The following NCAM2 variants were observed in gnomAD, a reference collection of about 807,000 sequenced individuals.
NCAM2 encodes the protein N-CAM-2.
Under a neutral mutation model 98.1 loss-of-function variants are expected in NCAM2, and 30 were observed. The ratio of observed to expected loss-of-function variants is 0.31; its 90% confidence interval spans 0.23 to 0.41. NCAM2 has a LOEUF of 0.41. NCAM2 is among the 10% of genes least tolerant of loss of function. The pLI, the probability that NCAM2 is intolerant of heterozygous loss-of-function variation, is 1.00. For synonymous variants in NCAM2, 368 were observed against 342.4 expected (o/e 1.07, Z -0.83); for missense variants, 867 against 1,005.8 (o/e 0.86, Z 1.87).
Position 21,411,125 on chromosome 21 carries a change from C to CATATATACATATATGTGTGTATATATAT in NCAM2, c.1383+665_1383+666insTATATACATATATGTGTGTATATATATA. ...ATACATATATATGTATATATATATACACATATATATGTATATATATATACA... is the reference window on the plus strand; with the variant it reads ...ATACATATATATGTATATATATATACATATATACATATATGTGTGTATATATATACATATATATGTATATATATATACA... On this transcript the variant is annotated intron_variant, in intron 10 of 17. Coordinates refer to ENST00000400546, the MANE Select transcript of NCAM2 (RefSeq NM_004540.5). Among the ~76,000 whole-genome samples the CATATATACATATATGTGTGTATATATAT allele has an allele frequency of 8.3e-5, 2 of 24,236 alleles. 1 individual carries two copies. Among genetic ancestry groups the CATATATACATATATGTGTGTATATATAT allele is most frequent in the Non-Finnish European group, 1.6e-4 (2 of 12,622 alleles). The allele number at this position is 24,236 out of a possible 152,430, so 15.9% of individuals were successfully genotyped here.
At chr21:21,231,071 G>C (rs925768633) in intron 1 of NCAM2, among the ~76,000 whole-genome samples, 3 of 151,348 alleles carry the variant, frequency 2.0e-5, no homozygotes, top group African/African-American at 4.8e-5. Context: ...TTTCTGGCAA[G>C]ATGAGTGATT....
chr21:21,144,579 C>G (rs1407163866), intron 1 of NCAM2, among the ~76,000 whole-genome samples: 1 of 150,054 alleles, frequency 6.7e-6, no homozygotes, highest in Non-Finnish European at 1.5e-5. Context: ...AATCGATCTA[C>G]ACATTTCATT....
chr21:21,364,925 A>T (rs1436620597), intron 8 of NCAM2, among the ~76,000 whole-genome samples: 1 of 152,062 alleles, frequency 6.6e-6, no homozygotes, highest in Non-Finnish European at 1.5e-5. Flanking sequence ...ACAAAACAAA[A>T]TGTACAATGT....
chr21:21,315,736 A>C (rs1162615880), intron 5 of NCAM2, among the ~76,000 whole-genome samples: 1 of 152,216 alleles, frequency 6.6e-6, no homozygotes, highest in African/African-American at 2.4e-5. Context: ...AATTCTGAAA[A>C]GAAAATTGTT....
At chr21:21,010,592 A>G (rs1451195257) in intron 1 of NCAM2, among the ~76,000 whole-genome samples, 1 of 152,028 alleles carries the variant, frequency 6.6e-6, no homozygotes, top group Non-Finnish European at 1.5e-5. Context: ...ATCAGGAAAT[A>G]CCTCTTTCTT....
intron 1 of NCAM2, among the ~76,000 whole-genome samples, chr21:21,079,799 A>G (rs926439665): frequency 6.6e-6 from 1 of 152,152 alleles, no homozygotes; most frequent in African/African-American, 2.4e-5. Flanking sequence ...AGCTTACTCT[A>G]AGAGTCTGTT....
chr21:21,124,220 T>G (rs532130335), intron 1 of NCAM2, among the ~76,000 whole-genome samples: 1 of 152,314 alleles, frequency 6.6e-6, no homozygotes, highest in East Asian at 1.9e-4. Flanking sequence ...TTAATCAACA[T>G]GGTGGCAGAC....
rs150376952 is a variant in NCAM2 at position 21,256,866 on chromosome 21, A to G, written c.56-23712A>G. Among the ~76,000 whole-genome samples the G allele has an allele frequency of 2.6e-5, 4 of 152,284 alleles. No individual in the cohort carries two copies. The East Asian group carries it at 7.7e-4, about 29-fold the overall frequency. ...TCCAGTTTCATAAAATGTTACCTAA[A>G]ATGTAATGACCTCAAATGGAGTGTA... On this transcript the variant is annotated intron_variant, in intron 1 of 17. Coordinates refer to ENST00000400546, the MANE Select transcript of NCAM2 (RefSeq NM_004540.5).
intron 1 of NCAM2, among the ~76,000 whole-genome samples, chr21:21,141,713 C>G (rs895615127): frequency 2.6e-5 from 4 of 152,166 alleles, no homozygotes; most frequent in Admixed American, 6.6e-5. Flanking sequence ...TTTGACACTG[C>G]TCTGGTAGTC....
intron 12 of NCAM2, among the ~76,000 whole-genome samples, chr21:21,466,138 A>T (rs2146210713): frequency 6.6e-6 from 1 of 152,176 alleles, no homozygotes; most frequent in Non-Finnish European, 1.5e-5. Flanking sequence ...TGTATTTTCA[A>T]CTTTGTCACA....
At chr21:21,104,702 T>A (rs372560127) in intron 1 of NCAM2, among the ~76,000 whole-genome samples, 7 of 151,998 alleles carry the variant, frequency 4.6e-5, no homozygotes, top group African/African-American at 1.7e-4. Context: ...TAGCAAGGTG[T>A]GGTAACAAGC....
At chr21:21,332,431 T>C (rs2074741549) in intron 6 of NCAM2, among the ~76,000 whole-genome samples, 2 of 152,162 alleles carry the variant, frequency 1.3e-5, no homozygotes, top group Admixed American at 1.3e-4. Context: ...AGGACATGAC[T>C]TAAGTCCTGT....
chr21:21,449,518 T>C (rs1006922193), intron 12 of NCAM2, among the ~76,000 whole-genome samples: 6 of 152,026 alleles, frequency 3.9e-5, no homozygotes, highest in African/African-American at 1.2e-4. Flanking sequence ...CTCATGCACA[T>C]TTTGAGAGTG....
chr21:21,151,679 C>G (rs1277075714), intron 1 of NCAM2, among the ~76,000 whole-genome samples: 1 of 151,976 alleles, frequency 6.6e-6, no homozygotes, highest in East Asian at 1.9e-4. Flanking sequence ...TCCGTTATAT[C>G]TAATCATGTT....
chr21:21,339,211 C>T (rs1028985), intron 8 of NCAM2, among the ~76,000 whole-genome samples: 150,718 of 152,182 alleles, frequency 0.99, 74,651 homozygotes, highest in Non-Finnish European at 1. Context: ...TGACTGTCAT[C>T]CAATGCTTTA....
intron 1 of NCAM2, among the ~76,000 whole-genome samples, chr21:21,254,354 G>C (rs1391720105): frequency 1.3e-5 from 2 of 152,186 alleles, no homozygotes; most frequent in African/African-American, 4.8e-5. Flanking sequence ...CAGGTTTGTT[G>C]TTGAAACTTG....
At chr21:21,534,391 A>T in intron 16 of NCAM2, 146 bp from the exon 17 acceptor site, 1 of 580,640 alleles carries the variant, frequency 1.7e-6, no homozygotes, top group Non-Finnish European at 2.7e-6. Flanking sequence ...TTTAAATGGT[A>T]AAGCATTTCT....
At chr21:21,082,193 A>G (rs989997086) in intron 1 of NCAM2, among the ~76,000 whole-genome samples, 2 of 141,468 alleles carry the variant, frequency 1.4e-5, no homozygotes, top group Non-Finnish European at 3.0e-5. Flanking sequence ...GTGCCAGTGC[A>G]CTCCAGCCTG....
intron 1 of NCAM2, among the ~76,000 whole-genome samples, chr21:21,276,365 T>C (rs1382909406): frequency 1.1e-4 from 17 of 152,106 alleles, no homozygotes; most frequent in Non-Finnish European, 4.4e-5. Flanking sequence ...TACCCAACTC[T>C]ACTTATAAGA....
Sources: gnomAD v4.1 joint callset for allele counts (sites outside exome capture counted in the v4.1 genomes callset) on GRCh38, gnomAD v4.1.1 for gene constraint, MANE v1.5 for transcripts, NCBI Gene and HGNC (gene_info 2026-07-23, HGNC 2026-07-21) for gene names.